Variants in GAP43 observed in about 807,000 individuals in gnomAD.
GAP43 encodes the protein neuromodulin.
A neutral mutation model predicts 18.6 loss-of-function variants in GAP43; 6 were observed. That is an observed-to-expected ratio of 0.32 (90% CI 0.18 to 0.64). The LOEUF (loss-of-function observed/expected upper bound fraction) is 0.64, where lower values mean the gene tolerates loss of function less well. GAP43 is among the 30% of genes least tolerant of loss of function. GAP43 has a pLI of 0.78. For synonymous variants in GAP43, 115 were observed against 111.4 expected, an observed-to-expected ratio of 1.03 and a Z score of -0.20; for missense variants, 292 against 295.5, an observed-to-expected ratio of 0.99 and a Z score of 0.09.
intron 1 of GAP43, among the ~76,000 whole-genome samples, chr3:115,672,946 T>G (rs1409170760): frequency 2.0e-5 from 3 of 152,160 alleles, no homozygotes; most frequent in Non-Finnish European, 4.4e-5. Context: ...TTTGAGCATC[T>G]TTTTGGGTAT....
At chr3:115,635,736 T>A (rs1004449488) in intron 1 of GAP43, among the ~76,000 whole-genome samples, 3 of 150,280 alleles carry the variant, frequency 2.0e-5, no homozygotes, top group South Asian at 2.1e-4. Flanking sequence ...AAAAAAAAAA[T>A]AAGTGTGAGC....
At chr3:115,674,854 G>A (rs1708860254) in intron 1 of GAP43, among the ~76,000 whole-genome samples, 1 of 152,028 alleles carries the variant, frequency 6.6e-6, no homozygotes, top group African/African-American at 2.4e-5. Context: ...AATCCTGATG[G>A]GATTTATGGT....
At chr3:115,701,555 A>C (rs926735990) in intron 2 of GAP43, among the ~76,000 whole-genome samples, 4 of 151,994 alleles carry the variant, frequency 2.6e-5, no homozygotes, top group Non-Finnish European at 4.4e-5. Context: ...TTTCTCCAAG[A>C]CTAAGGCCTA....
chr3:115,699,897 G>A, intron 2 of GAP43, among the ~76,000 whole-genome samples: 1 of 152,142 alleles, frequency 6.6e-6, no homozygotes, highest in Admixed American at 6.6e-5. Context: ...TTTTCACAGT[G>A]TCTGGGCAAT....
At chr3:115,651,507 C>T (rs1054842598) in intron 1 of GAP43, among the ~76,000 whole-genome samples, 12 of 152,226 alleles carry the variant, frequency 7.9e-5, no homozygotes, top group Non-Finnish European at 1.6e-4. Context: ...TGCCTAACCT[C>T]GGCATCAAGA....
At chr3:115,624,936 G>A (rs1384325865) in intron 1 of GAP43, among the ~76,000 whole-genome samples, 1 of 151,218 alleles carries the variant, frequency 6.6e-6, no homozygotes, top group African/African-American at 2.4e-5. Flanking sequence ...GGTCAAAGAA[G>A]CCCTTCGCAG....
chr3:115,663,190 T>C (rs1708687512), intron 1 of GAP43, among the ~76,000 whole-genome samples: 1 of 152,156 alleles, frequency 6.6e-6, no homozygotes, highest in South Asian at 2.1e-4. Context: ...ACGGCATGCG[T>C]GAAACAGTTC....
At chr3:115,681,025 T>G (rs1267739123) in intron 2 of GAP43, among the ~76,000 whole-genome samples, 1 of 152,116 alleles carries the variant, frequency 6.6e-6, no homozygotes, top group Admixed American at 6.5e-5. Flanking sequence ...CTTCCTAAAT[T>G]TATACACAAC....
At chr3:115,690,216 A>ACCCCCCCCCCCCCCCC (rs150800461) in intron 2 of GAP43, among the ~76,000 whole-genome samples, 2 of 137,378 alleles carry the variant, frequency 1.5e-5, no homozygotes, top group African/African-American at 5.3e-5. Flanking sequence ...CCTAGGAGAG[A>ACCCCCCCCCCCCCCCC]CCCCCCCGCC....
At chr3:115,686,452 G>A (rs924103016) in intron 2 of GAP43, among the ~76,000 whole-genome samples, 8 of 152,088 alleles carry the variant, frequency 5.3e-5, no homozygotes, top group African/African-American at 1.7e-4. Context: ...GCTACTGAAG[G>A]AATTTGTACA....
chr3:115,665,900 A>G (rs946614578), intron 1 of GAP43, among the ~76,000 whole-genome samples: 1 of 152,102 alleles, frequency 6.6e-6, no homozygotes, highest in Non-Finnish European at 1.5e-5. Flanking sequence ...TAGCTCTCAG[A>G]ACCTGCAGAG....
At chr3:115,693,435 A>G (rs1709140333) in intron 2 of GAP43, among the ~76,000 whole-genome samples, 1 of 152,166 alleles carries the variant, frequency 6.6e-6, no homozygotes, top group African/African-American at 2.4e-5. Flanking sequence ...AGAGAACAAT[A>G]CATATTAAGA....
At chr3:115,675,701 G>A (rs1014959140) in intron 1 of GAP43, among the ~76,000 whole-genome samples, 2 of 141,106 alleles carry the variant, frequency 1.4e-5, no homozygotes, top group East Asian at 2.2e-4. Context: ...GGAGGTTGCC[G>A]TGAGCTGAGA....
At chr3:115,651,547 T>C (rs961308575) in intron 1 of GAP43, among the ~76,000 whole-genome samples, 6 of 152,226 alleles carry the variant, frequency 3.9e-5, no homozygotes, top group Admixed American at 2.6e-4. Flanking sequence ...TCAGTTCATA[T>C]GTACATTTCT....
At chr3:115,694,071 TGTGTG>T (rs1709151554) in intron 2 of GAP43, among the ~76,000 whole-genome samples, 2 of 151,924 alleles carry the variant, frequency 1.3e-5, no homozygotes, top group African/African-American at 4.8e-5. Context: ...GAAGAGGAGA[TGTGTG>T]GTGAGACAGC....
intron 2 of GAP43, among the ~76,000 whole-genome samples, chr3:115,692,047 A>G (rs1035469769): frequency 6.6e-6 from 1 of 152,228 alleles, no homozygotes; most frequent in East Asian, 1.9e-4. Flanking sequence ...TTCATCTCCT[A>G]AGATTATTTG....
chr3:115,699,070 A>G (rs3772935), intron 2 of GAP43, among the ~76,000 whole-genome samples: 31,235 of 152,114 alleles, frequency 0.21, 3,752 homozygotes, highest in Admixed American at 0.32. Context: ...TATGTGGACA[A>G]TTGTTGATTG....
chr3:115,697,582 G>T lies in GAP43; in HGVS notation c.628+20972G>T, dbSNP rs1211250251. ...CTGCTTCACAAGCCCTCCTTACATG[G>T]AGTCCATGCCACAGGGAGGAAATTG... On this transcript the variant is annotated intron_variant, in intron 2 of 2. Coordinates refer to ENST00000305124, the MANE Select transcript of GAP43 (RefSeq NM_002045.4). 2.6e-5 allele frequency among the ~76,000 whole-genome samples: 4 copies of T among 152,174 alleles called. No homozygotes were observed. In the East Asian group the frequency reaches 7.7e-4, roughly 29 times the overall value.
intron 1 of GAP43, among the ~76,000 whole-genome samples, chr3:115,631,868 A>T (rs555068172): frequency 4.3e-4 from 65 of 151,964 alleles, no homozygotes; most frequent in Non-Finnish European, 8.7e-4. Flanking sequence ...TGATCCACCC[A>T]CCTCGGCCTC....
Sources: allele counts gnomAD v4.1 joint callset (sites outside exome capture counted in the v4.1 genomes callset), GRCh38; gene constraint gnomAD v4.1.1; transcripts MANE v1.5; gene names NCBI Gene and HGNC (gene_info 2026-07-23, HGNC 2026-07-21).